The following TRPM2 variants were observed in gnomAD, a reference collection of about 807,000 sequenced individuals.
The protein encoded by TRPM2 is transient receptor potential cation channel subfamily M member 2.
A neutral mutation model predicts 174.0 loss-of-function variants in TRPM2; 161 were observed. That is an observed-to-expected ratio of 0.93 (90% CI 0.81 to 1.05). TRPM2 has a LOEUF of 1.05. TRPM2 is among the 50% of genes least tolerant of loss of function. The probability of loss-of-function intolerance (pLI) is 0.00; values close to 1 mark genes in which losing one functional copy is unlikely to be tolerated. For missense variants in TRPM2, 2,057 were observed against 2,038.0 expected (o/e 1.01, Z -0.18); for synonymous variants, 954 against 861.3 (o/e 1.11, Z -1.88).
chr21:44,384,748 CAT>C lies in TRPM2; in HGVS notation c.1318+1930_1318+1931del, dbSNP rs1378145112. On this transcript the variant is annotated intron_variant, in intron 9 of 31. Transcript: ENST00000397928. ...AGCACAAAACCTACCAAGACTAAAT[CAT>C]AAAAAAATCAAAACTCTGAATAGAC... Among the ~76,000 whole-genome samples, 6 of 152,098 alleles carry C rather than the reference CAT, an allele frequency of 3.9e-5. No homozygotes were observed. In the East Asian group the frequency reaches 1.2e-3, roughly 29 times the overall value.
In TRPM2 at chr21:44,400,337, T is replaced by C; in HGVS notation, c.2287T>C (p.Phe763Leu). Residue 763 changes from phenylalanine to leucine, a missense_variant, in exon 15 of 32, where the codon TTC becomes CTC. Phe to Leu is a conservative substitution (Grantham distance 22, BLOSUM62 0). Transcript: ENST00000397928. ...GCGTGTGACCCTGTGCATGCTGGCC[T>C]TCCCGCTGCTCCTCACCGGCCTCAT... is the stretch of plus-strand genomic sequence containing the variant. The part of the protein sequence containing the change: ...LWRVTLCMLA[F>L]PLLLTGLISF... The C allele has an allele frequency of 6.2e-7, 1 of 1,612,634 alleles. No individual in the cohort carries two copies. The highest frequency in any genetic ancestry group is 8.5e-7 in the Non-Finnish European group (1 of 1,179,878).
intron 5 of TRPM2, among the ~76,000 whole-genome samples, chr21:44,375,490 G>A (rs561530497): frequency 8.5e-5 from 13 of 152,290 alleles, no homozygotes; most frequent in African/African-American, 2.6e-4. Flanking sequence ...AGGGTCACAC[G>A]TCTGTTTCCC....
At position 44,418,025 on chromosome 21, in the gene TRPM2, C is replaced by T; in HGVS notation, c.3245C>T (p.Pro1082Leu). The change falls in exon 21 of 32, where the codon CCC becomes CTC. Residue 1082 changes from proline to leucine, a missense_variant. Coordinates refer to ENST00000397928, the MANE Select transcript of TRPM2 (RefSeq NM_003307.4). The stretch of plus-strand genomic sequence containing the variant: ...TACCACGGCCGCCCCGCCGCGCCGC[C>T]CCCCTTCATCCTCCTCAGCCACCTG... ...EEYHGRPAAP[P>L]PFILLSHLQL... 6.2e-7 allele frequency: 1 copy of T among 1,613,192 alleles called. No homozygotes were observed. The highest frequency in any genetic ancestry group is 8.5e-7 in the Non-Finnish European group (1 of 1,180,016).
At chr21:44,428,973 C>T (rs891647352) in intron 27 of TRPM2, among the ~76,000 whole-genome samples, 11 of 152,240 alleles carry the variant, frequency 7.2e-5, no homozygotes, top group African/African-American at 2.7e-4. Context: ...GTCTTTAAAC[C>T]TGCCTTTTCT....
In TRPM2 at chr21:44,438,937, G is replaced by T; in HGVS notation, c.4168-130G>T. 2.4e-5 allele frequency: 16 copies of T among 658,458 alleles called. No homozygotes were observed. In the South Asian group the frequency reaches 2.9e-4, roughly 12 times the overall value. The allele number at this position is 658,458 out of a possible 1,614,324, so 40.8% of individuals were successfully genotyped here. On this transcript the variant is annotated intron_variant, in intron 29 of 31. Coordinates refer to ENST00000397928, the MANE Select transcript of TRPM2 (RefSeq NM_003307.4). This position sits in a 1 kb window ranked among gnomAD's most constrained non-coding sequence, Gnocchi z 5.9. ...CAATGTCACTGCAGCCTGAGATGCC[G>T]CCTGCCTGTGGCTCCCAGGGCTGGG...
chr21:44,426,785 C>T, intron 26 of TRPM2, 49 bp downstream of exon 26: 2 of 1,598,608 alleles, frequency 1.3e-6, no homozygotes, highest in East Asian at 2.2e-5. Context: ...AAACCCAGGG[C>T]CTCCTAGGGG....
At chr21:44,363,300 A>G (rs1602130544) in intron 2 of TRPM2, among the ~76,000 whole-genome samples, 1 of 152,096 alleles carries the variant, frequency 6.6e-6, no homozygotes, top group African/African-American at 2.4e-5. Flanking sequence ...TGAATGTATG[A>G]TCTTTTGTTA....
At chr21:44,397,950 G>A in intron 13 of TRPM2, 74 bp downstream of exon 13, 2 of 1,462,662 alleles carry the variant, frequency 1.4e-6, no homozygotes, top group Admixed American at 2.3e-5. Context: ...CCCATCCCTG[G>A]GTCTCAGCCC....
At chr21:44,440,757 G>A (rs375430815) in intron 30 of TRPM2, 32 bp from the exon 31 acceptor site, 30 of 1,596,614 alleles carry the variant, frequency 1.9e-5, no homozygotes, top group Admixed American at 3.3e-5. Flanking sequence ...GGTGTCCCTC[G>A]CTGTCGGGCT....
chr21:44,419,271 G>T (rs1221173079), intron 22 of TRPM2, among the ~76,000 whole-genome samples: 1 of 152,280 alleles, frequency 6.6e-6, no homozygotes, highest in East Asian at 1.9e-4. Context: ...GCATCCTGGA[G>T]CTGGCAAGGG....
At chr21:44,356,430 C>T (rs1478626575) in intron 2 of TRPM2, among the ~76,000 whole-genome samples, 9 of 151,392 alleles carry the variant, frequency 5.9e-5, no homozygotes, top group Admixed American at 2.6e-4. Flanking sequence ...GTATTTGGAG[C>T]GAGTCCACAG....
rs529501850 is a variant in TRPM2, at chr21:44,397,870, G to T, written c.2056G>T (p.Ala686Ser). The T allele has an allele frequency of 6.9e-6, 11 of 1,601,742 alleles. No individual in the cohort carries two copies. The East Asian group carries it at 2.5e-4, about 36-fold the overall frequency. ...LALAEEYEHR[A>S]IGVFTECYRK... Reference sequence around the variant, plus strand: ...GCTGGCGGAGGAGTATGAGCACAGAGCCATCGGTGAGCTCTGCCGGGCACG... The same window carrying T: ...GCTGGCGGAGGAGTATGAGCACAGATCCATCGGTGAGCTCTGCCGGGCACG... The change falls in exon 13 of 32, where the codon GCC (alanine) becomes TCC (serine). Residue 686 changes from alanine to serine, a missense_variant. Physicochemically the swap from Ala to Ser is moderately conservative, Grantham distance 99 (BLOSUM62 1). Coordinates refer to ENST00000397928, the MANE Select transcript of TRPM2 (RefSeq NM_003307.4).
chr21:44,413,737 G>T (rs1436360040), intron 19 of TRPM2, among the ~76,000 whole-genome samples, 154 bp from the exon 20 acceptor site: 1 of 152,108 alleles, frequency 6.6e-6, no homozygotes, highest in Admixed American at 6.5e-5. Context: ...CTGGACTTCT[G>T]GCCCAGAGGT....
chr21:44,369,212 G>A lies in TRPM2; in HGVS notation c.640G>A (p.Val214Ile), dbSNP rs765214450. 3 of 1,613,148 alleles carry A rather than the reference G, an allele frequency of 1.9e-6. No homozygotes were observed. Among genetic ancestry groups the A allele is most frequent in the Non-Finnish European group, 2.5e-6 (3 of 1,179,698 alleles). ...WIITGGSHTG[V>I]MKQVGEAVRD... ...CATCACAGGGGGGTCCCACACCGGCGTCATGAAGCAGGTAGGCGAGGCGGT... is the reference window on the plus strand; with the variant it reads ...CATCACAGGGGGGTCCCACACCGGCATCATGAAGCAGGTAGGCGAGGCGGT... Residue 214 changes from valine (V) to isoleucine (I), a missense_variant, in exon 5 of 32, where the codon GTC becomes ATC. Coordinates refer to ENST00000397928, the MANE Select transcript of TRPM2 (RefSeq NM_003307.4).
intron 16 of TRPM2, 69 bp from the exon 17 acceptor site, chr21:44,405,073 G>A: frequency 1.9e-6 from 3 of 1,596,708 alleles, no homozygotes; most frequent in Non-Finnish European, 2.6e-6. Flanking sequence ...GGATAGTGAT[G>A]TGACAGTGAC....
rs560773749 is a variant in TRPM2, at chr21:44,410,998, GC to G, written c.2963-2891del. 3.9e-3 allele frequency among the ~76,000 whole-genome samples: 590 copies of G among 150,904 alleles called. 2 individuals are homozygous for G. Among genetic ancestry groups the G allele is most frequent in the South Asian group, 0.011 (53 of 4,782 alleles). The stretch of plus-strand genomic sequence containing the variant: ...TGACCACACTGTCTTGGTGAGCGTA[GC>G]CTTGTAGTAAGTTTTGACCGCACTG... On this transcript the variant is annotated intron_variant, in intron 19 of 31. Transcript: ENST00000397928.
intron 9 of TRPM2, among the ~76,000 whole-genome samples, chr21:44,390,207 G>C (rs1423986260): frequency 6.6e-6 from 1 of 152,058 alleles, no homozygotes; most frequent in Non-Finnish European, 1.5e-5. Flanking sequence ...CATGTTCTTT[G>C]TGTCATAGCT....
At chr21:44,394,540 C>T (rs752477254) in intron 11 of TRPM2, among the ~76,000 whole-genome samples, 18 of 151,236 alleles carry the variant, frequency 1.2e-4, no homozygotes, top group South Asian at 2.1e-4. Flanking sequence ...AGGATGGTCT[C>T]GATCTCCTGA....
intron 2 of TRPM2, among the ~76,000 whole-genome samples, chr21:44,357,033 T>C (rs1421617074): frequency 3.9e-5 from 6 of 152,210 alleles, no homozygotes; most frequent in Non-Finnish European, 5.9e-5. Context: ...TCTTGCACCC[T>C]GTTTTATCAG....
Sources: gnomAD v4.1 joint callset for allele counts (sites outside exome capture counted in the v4.1 genomes callset) on GRCh38, gnomAD v4.1.1 for gene constraint, Gnocchi (gnomAD v3.1) non-coding constraint, MANE v1.5 for transcripts, NCBI Gene and HGNC (gene_info 2026-07-23, HGNC 2026-07-21) for gene names.